The following ZHX2 variants were observed in gnomAD, a reference collection of about 807,000 sequenced individuals.
The protein encoded by ZHX2 is zinc fingers and homeoboxes 2.
A neutral mutation model predicts 21.9 loss-of-function variants in ZHX2; 6 were observed. The ratio of observed to expected loss-of-function variants is 0.27; its 90% CI spans 0.15 to 0.54. The LOEUF (loss-of-function observed/expected upper bound fraction) is 0.54. Among genes scored for constraint, ZHX2 ranks in the 20% least tolerant of loss-of-function variants. The pLI is 0.95. For missense variants in ZHX2, 908 were observed against 1,090.7 expected (o/e 0.83, Z 2.36); for synonymous variants, 434 against 437.1 (o/e 0.99, Z 0.09).
At chr8:122,867,379 G>C (rs951019905) in intron 2 of ZHX2, among the ~76,000 whole-genome samples, 40 of 152,314 alleles carry the variant, frequency 2.6e-4, no homozygotes, top group South Asian at 6.2e-4. Flanking sequence ...TAACGGAGGA[G>C]CCACAGGACC....
chr8:122,957,296 C>CAAAAAAA lies in ZHX2; in HGVS notation c.*4+3280_*4+3286dup. ...TCAGGACAGGGACTAGCTGTGTTCA[C>CAAAAAAA]AAAAAAAAAAAAAAAAAACATGCAG... On this transcript the variant is annotated intron_variant, in intron 3 of 3. Coordinates refer to ENST00000314393, the MANE Select transcript of ZHX2 (RefSeq NM_014943.5). Among the ~76,000 whole-genome samples, 2 of 110,354 alleles carry CAAAAAAA rather than the reference C, an allele frequency of 1.8e-5. 1 individual carries two copies. The highest frequency in any genetic ancestry group is 6.7e-5 in the African/African-American group (2 of 29,996). 72.4% of individuals were successfully genotyped at this position (110,354 alleles called of 152,430 possible).
intron 1 of ZHX2, among the ~76,000 whole-genome samples, chr8:122,851,951 G>A (rs557851516): frequency 6.6e-6 from 1 of 152,324 alleles, no homozygotes; most frequent in Admixed American, 6.5e-5. Context: ...GAAGGACAGC[G>A]GCCGTGCTTG....
intron 2 of ZHX2, among the ~76,000 whole-genome samples, chr8:122,866,727 G>A (rs1420460292): frequency 6.6e-6 from 1 of 152,236 alleles, no homozygotes; most frequent in Non-Finnish European, 1.5e-5. Context: ...CCAGGAAAGA[G>A]TATGCTGCAG....
rs1267307857 is a variant in ZHX2, at chr8:122,782,586, C to T, written c.-283+640C>T. Among the ~76,000 whole-genome samples the T allele has an allele frequency of 6.6e-6, 1 of 152,190 alleles. No individual in the cohort carries two copies. Among genetic ancestry groups the T allele is most frequent in the Non-Finnish European group, 1.5e-5 (1 of 68,012 alleles). On this transcript the variant is annotated intron_variant, in intron 1 of 3. Transcript: ENST00000314393. The surrounding 1 kb of genome is among the most constrained non-coding windows in gnomAD (Gnocchi z 5.3). Reference sequence around the variant, plus strand: ...TGGCAGGAAGCATGACGCCGTGGGCCGAGGCTGCCTCTGCTCTCGTCGCTC... The same window carrying T: ...TGGCAGGAAGCATGACGCCGTGGGCTGAGGCTGCCTCTGCTCTCGTCGCTC...
At chr8:122,871,516 C>T (rs1434752183) in intron 2 of ZHX2, among the ~76,000 whole-genome samples, 3 of 107,242 alleles carry the variant, frequency 2.8e-5, no homozygotes, top group African/African-American at 7.7e-5. Context: ...CATCACACAC[C>T]GGGGCCTGTT....
intron 2 of ZHX2, among the ~76,000 whole-genome samples, chr8:122,899,423 A>G (rs1663126702): frequency 6.6e-6 from 1 of 152,178 alleles, no homozygotes. Flanking sequence ...ATAAATGCAT[A>G]TTAGTGGTCG....
intron 1 of ZHX2, among the ~76,000 whole-genome samples, chr8:122,804,970 C>T (rs901808597): frequency 6.6e-6 from 1 of 152,174 alleles, no homozygotes; most frequent in African/African-American, 2.4e-5. Flanking sequence ...CCCCAGCCAT[C>T]CCCCAGCTGT....
chr8:122,920,744 C>T (rs894451040), intron 2 of ZHX2, among the ~76,000 whole-genome samples: 1 of 152,198 alleles, frequency 6.6e-6, no homozygotes, highest in African/African-American at 2.4e-5. Flanking sequence ...CGCAGCCTCT[C>T]AGAGAATAGA....
At chr8:122,787,205 AC>A (rs1194647927) in intron 1 of ZHX2, among the ~76,000 whole-genome samples, 2 of 151,956 alleles carry the variant, frequency 1.3e-5, no homozygotes, top group Non-Finnish European at 2.9e-5. Context: ...CAGGGCCAGA[AC>A]CTGTCTTCTT....
rs770661133 is a variant in ZHX2, at chr8:122,841,098, G to A, written c.-282-22379G>A. 5.3e-5 allele frequency among the ~76,000 whole-genome samples: 8 copies of A among 152,160 alleles called. No individual in the cohort carries two copies. In the East Asian group the frequency reaches 7.7e-4, roughly 15 times the overall value. On this transcript the variant is annotated intron_variant, in intron 1 of 3. Transcript: ENST00000314393. ...GGCCCTTGGTTCTTGTCTTTCTTTC[G>A]TTTTAGCAGCAGCATTACGTACTGC...
intron 2 of ZHX2, among the ~76,000 whole-genome samples, chr8:122,888,729 C>T (rs566186495): frequency 1.3e-5 from 2 of 152,304 alleles, no homozygotes; most frequent in Admixed American, 1.3e-4. Flanking sequence ...GTAATCTGCC[C>T]TCCTCGGCCT....
chr8:122,832,322 T>C (rs111402496), intron 1 of ZHX2, among the ~76,000 whole-genome samples: 1 of 152,056 alleles, frequency 6.6e-6, no homozygotes, highest in African/African-American at 2.4e-5. Context: ...CTTGGAGAGA[T>C]AGTTTTAGGC....
intron 1 of ZHX2, among the ~76,000 whole-genome samples, chr8:122,829,145 A>C (rs1338536450): frequency 1.3e-5 from 2 of 152,240 alleles, no homozygotes; most frequent in African/African-American, 4.8e-5. Context: ...TTCTGAAGGC[A>C]TACAGATATG....
chr8:122,829,465 G>A (rs1818326415), intron 1 of ZHX2, among the ~76,000 whole-genome samples: 1 of 152,178 alleles, frequency 6.6e-6, no homozygotes, highest in Non-Finnish European at 1.5e-5. Flanking sequence ...TTTATTTAAT[G>A]TGCTTATATT....
At chr8:122,788,026 C>G (rs543426336) in intron 1 of ZHX2, among the ~76,000 whole-genome samples, 1 of 152,164 alleles carries the variant, frequency 6.6e-6, no homozygotes, top group East Asian at 1.9e-4. Context: ...CTGGTTCACT[C>G]TGGCTGGTGA....
chr8:122,886,499 G>T (rs373395100), intron 2 of ZHX2, among the ~76,000 whole-genome samples: 7 of 152,182 alleles, frequency 4.6e-5, no homozygotes, highest in African/African-American at 1.7e-4. Flanking sequence ...ATTCATATTG[G>T]TTCATCACTT....
intron 1 of ZHX2, among the ~76,000 whole-genome samples, chr8:122,862,033 C>T (rs1212686471): frequency 6.6e-6 from 1 of 152,132 alleles, no homozygotes; most frequent in East Asian, 1.9e-4. Flanking sequence ...GGAAGGAGGC[C>T]CAGAACCTTC....
intron 2 of ZHX2, among the ~76,000 whole-genome samples, chr8:122,916,754 A>G (rs557179949): frequency 2.4e-4 from 36 of 152,084 alleles, no homozygotes; most frequent in African/African-American, 8.7e-4. Context: ...CCTATCGTTT[A>G]ACCTTTTCTT....
At chr8:122,783,928 G>A (rs187085408) in intron 1 of ZHX2, among the ~76,000 whole-genome samples, 4 of 152,336 alleles carry the variant, frequency 2.6e-5, no homozygotes, top group African/African-American at 9.6e-5. Context: ...TCTGCTCCGC[G>A]ATTGTTCTCT....
Sources: allele counts gnomAD v4.1 joint callset (sites outside exome capture counted in the v4.1 genomes callset), GRCh38; gene constraint gnomAD v4.1.1; non-coding constraint Gnocchi (gnomAD v3.1); transcripts MANE v1.5; gene names NCBI Gene and HGNC (gene_info 2026-07-23, HGNC 2026-07-21).